The following SLC6A11 variants were observed in gnomAD, a reference collection of about 807,000 sequenced individuals.
SLC6A11 encodes the protein sodium- and chloride-dependent GABA transporter 3.
In SLC6A11, 25 loss-of-function variants were observed where a neutral mutation model predicts 74.8. The ratio of observed to expected loss-of-function variants is 0.33; its 90% CI spans 0.24 to 0.47. The LOEUF (loss-of-function observed/expected upper bound fraction) is 0.47, where lower values mean the gene tolerates loss of function less well. SLC6A11 is among the 20% of genes least tolerant of loss of function. The pLI is 1.00. For missense variants in SLC6A11, 574 were observed against 837.0 expected (o/e 0.69, Z 3.88); for synonymous variants, 330 against 330.2 (o/e 1.00, Z 0.01).
At chr3:10,820,809 G>A (rs1694129043) in intron 3 of SLC6A11, among the ~76,000 whole-genome samples, 1 of 152,170 alleles carries the variant, frequency 6.6e-6, no homozygotes, top group African/African-American at 2.4e-5. Context: ...GCTCCAGAGA[G>A]CTGCTGCCTT....
intron 6 of SLC6A11, among the ~76,000 whole-genome samples, chr3:10,907,362 A>G (rs777516881): frequency 1.3e-4 from 20 of 152,298 alleles, no homozygotes; most frequent in Non-Finnish European, 2.5e-4. Context: ...AAGAACAAAG[A>G]CTTTTTAAAG....
intron 6 of SLC6A11, among the ~76,000 whole-genome samples, chr3:10,903,103 G>A (rs565427352): frequency 6.6e-6 from 1 of 152,272 alleles, no homozygotes; most frequent in African/African-American, 2.4e-5. Flanking sequence ...TTCGTGGCAG[G>A]ATGGGTTAAT....
intron 6 of SLC6A11, among the ~76,000 whole-genome samples, chr3:10,898,220 G>C (rs1031077351): frequency 6.6e-6 from 1 of 152,174 alleles, no homozygotes; most frequent in Non-Finnish European, 1.5e-5. Flanking sequence ...ACATGCCCTC[G>C]AGACATTTTC....
chr3:10,912,190 A>G lies in SLC6A11; in HGVS notation c.992A>G (p.Tyr331Cys). ...GSYNNYNNNCYRDCIMLCCLN... is the reference protein window; with the variant it reads ...GSYNNYNNNCCRDCIMLCCLN... Reference sequence around the variant, plus strand: ...TATAACAATTATAACAACAACTGCTACAGGTGAGCATTTCCCTGGGCCCTG... The same window carrying G: ...TATAACAATTATAACAACAACTGCTGCAGGTGAGCATTTCCCTGGGCCCTG... Residue 331 changes from tyrosine to cysteine, a missense_variant, in exon 7 of 14, where the codon TAC (tyrosine) becomes TGC (cysteine). Physicochemically the swap from Tyr to Cys is radical, Grantham distance 194. Transcript: ENST00000254488. 6.2e-7 allele frequency: 1 copy of G among 1,602,422 alleles called. No individual in the cohort carries two copies. Among genetic ancestry groups the G allele is most frequent in the Non-Finnish European group, 8.6e-7 (1 of 1,169,370 alleles).
intron 5 of SLC6A11, among the ~76,000 whole-genome samples, chr3:10,849,832 A>C (rs962163151): frequency 6.9e-6 from 1 of 144,030 alleles, no homozygotes; most frequent in East Asian, 2.1e-4. Flanking sequence ...ACGAAAAAAA[A>C]CCCTTTTCGT....
chr3:10,912,271 G>T, intron 7 of SLC6A11, 78 bp downstream of exon 7: 1 of 985,290 alleles, frequency 1.0e-6, no homozygotes, highest in Non-Finnish European at 1.6e-6. Flanking sequence ...GTTTATGTTT[G>T]TCTGCCCACC....
At chr3:10,897,544 G>A (rs1278015773) in intron 6 of SLC6A11, among the ~76,000 whole-genome samples, 2 of 152,184 alleles carry the variant, frequency 1.3e-5, no homozygotes, top group African/African-American at 4.8e-5. Flanking sequence ...AAATCTTAAA[G>A]CTCCAAAATG....
rs73035877 is a variant in SLC6A11 at position 10,816,826 on chromosome 3, G to T, written c.256+305G>T. Among the ~76,000 whole-genome samples, 8 of 152,338 alleles carry T rather than the reference G, an allele frequency of 5.3e-5. No homozygotes were observed. Among genetic ancestry groups the T allele is most frequent in the Middle Eastern group, 3.4e-3 (1 of 294 alleles). On this transcript the variant is annotated intron_variant, in intron 1 of 13. Coordinates refer to ENST00000254488, the MANE Select transcript of SLC6A11 (RefSeq NM_014229.3). This position sits in a 1 kb window ranked among gnomAD's most constrained non-coding sequence, Gnocchi z 4.2. ...GCCCTTGCTTTGGGTAGGCGCCCTG[G>T]TGTTTCGGGCACTTGGCCCCTTGGA...
chr3:10,868,388 C>T (rs1694789988), intron 5 of SLC6A11, among the ~76,000 whole-genome samples: 1 of 152,184 alleles, frequency 6.6e-6, no homozygotes, highest in South Asian at 2.1e-4. Flanking sequence ...ATGGCCGTGT[C>T]CTGGGCGTAG....
At position 10,934,151 on chromosome 3, in the gene SLC6A11, C is replaced by G; in HGVS notation, c.1560C>G (p.Thr520=). 6.2e-7 allele frequency: 1 copy of G among 1,612,486 alleles called. No homozygotes were observed. Among genetic ancestry groups the G allele is most frequent in the Non-Finnish European group, 8.5e-7 (1 of 1,178,530 alleles). The change falls in exon 12 of 14, where the codon ACC becomes ACG. Residue 520 remains threonine, a synonymous_variant. Transcript: ENST00000254488. The part of the protein sequence containing the change: ...SLIKWCWMIM[T]PGICAGIFIF... ...TTAAGTGGTGCTGGATGATCATGACCCCTGGGATCTGCGCGGTAAGGGCCC... is the reference window on the plus strand; with the variant it reads ...TTAAGTGGTGCTGGATGATCATGACGCCTGGGATCTGCGCGGTAAGGGCCC...
intron 4 of SLC6A11, among the ~76,000 whole-genome samples, chr3:10,829,432 A>T (rs867397124): frequency 7.9e-5 from 12 of 152,170 alleles, no homozygotes; most frequent in Admixed American, 2.6e-4. Context: ...ATGCCTCCTG[A>T]TTCAGCATCA....
intron 5 of SLC6A11, among the ~76,000 whole-genome samples, chr3:10,866,748 G>A (rs892725984): frequency 6.6e-6 from 1 of 152,152 alleles, no homozygotes; most frequent in African/African-American, 2.4e-5. Flanking sequence ...TTAGAATTTG[G>A]TTGCTTAAAA....
intron 4 of SLC6A11, among the ~76,000 whole-genome samples, chr3:10,825,725 T>C (rs2106573557): frequency 6.6e-6 from 1 of 152,366 alleles, no homozygotes; most frequent in Middle Eastern, 3.4e-3. Context: ...TTTAATGTTG[T>C]ATTAGGTAGA....
intron 5 of SLC6A11, among the ~76,000 whole-genome samples, chr3:10,871,752 A>G (rs4684052): frequency 0.037 from 5,608 of 151,492 alleles, 179 homozygotes; most frequent in East Asian, 0.11. Flanking sequence ...TTTGATCTGC[A>G]CCTTTTCTGG....
intron 6 of SLC6A11, among the ~76,000 whole-genome samples, chr3:10,880,479 G>A (rs928323395): frequency 1.8e-4 from 28 of 152,334 alleles, no homozygotes; most frequent in African/African-American, 6.0e-4. Context: ...AGAAATTTAA[G>A]TGGGTGACTC....
At chr3:10,849,111 T>C (rs1694540558) in intron 5 of SLC6A11, among the ~76,000 whole-genome samples, 1 of 152,226 alleles carries the variant, frequency 6.6e-6, no homozygotes, top group South Asian at 2.1e-4. Flanking sequence ...TAGTTCTTCA[T>C]AGATATTTTC....
intron 5 of SLC6A11, among the ~76,000 whole-genome samples, chr3:10,872,046 C>T (rs902057153): frequency 1.3e-5 from 2 of 152,190 alleles, no homozygotes; most frequent in Admixed American, 1.3e-4. Context: ...AATGGAATGA[C>T]TTGACTCTTC....
At chr3:10,875,760 G>A (rs973070110) in intron 6 of SLC6A11, among the ~76,000 whole-genome samples, 1 of 152,206 alleles carries the variant, frequency 6.6e-6, no homozygotes, top group Non-Finnish European at 1.5e-5. Context: ...GTACATGGTG[G>A]TGTGCCCTGG....
intron 5 of SLC6A11, among the ~76,000 whole-genome samples, chr3:10,857,565 C>T (rs943487539): frequency 5.9e-5 from 9 of 152,088 alleles, no homozygotes; most frequent in Admixed American, 1.3e-4. Flanking sequence ...ATAATTCACT[C>T]GGCTGAAGCC....
Sources: gnomAD v4.1 joint callset for allele counts (sites outside exome capture counted in the v4.1 genomes callset) on GRCh38, gnomAD v4.1.1 for gene constraint, Gnocchi (gnomAD v3.1) non-coding constraint, MANE v1.5 for transcripts, NCBI Gene and HGNC (gene_info 2026-07-23, HGNC 2026-07-21) for gene names.